The following DEPDC1B variants were observed in gnomAD, a reference collection of about 807,000 sequenced individuals.
DEPDC1B encodes the protein DEP domain containing 1B.
Under a neutral mutation model 66.5 loss-of-function variants are expected in DEPDC1B, and 51 were observed. The ratio of observed to expected loss-of-function variants is 0.77; its 90% CI spans 0.61 to 0.97. The LOEUF (loss-of-function observed/expected upper bound fraction) is 0.97, where lower values mean the gene tolerates loss of function less well. Ranked by LOEUF, DEPDC1B falls within the 50% of genes least tolerant of loss-of-function variation. The probability of loss-of-function intolerance (pLI) is 0.00; values close to 1 mark genes in which losing one functional copy is unlikely to be tolerated. For synonymous variants in DEPDC1B, 226 were observed against 223.6 expected, an observed-to-expected ratio of 1.01 and a Z score of -0.10; for missense variants, 552 against 637.1, an observed-to-expected ratio of 0.87 and a Z score of 1.44.
rs181047830 is a variant in DEPDC1B at position 60,642,991 on chromosome 5, T to C, written c.710-132A>G. ...CTGCTAATCACAAATCACCAATTTA[T>C]GTTATTAGAACATTTAAAAGATGGA... On this transcript the variant is annotated intron_variant, in intron 5 of 10. Transcript: ENST00000265036. The C allele has an allele frequency of 6.9e-5, 45 of 652,380 alleles. No homozygotes were observed. The Admixed American group carries it at 1.1e-3, about 16-fold the overall frequency. The allele number at this position is 652,380 out of a possible 1,614,324, so 40.4% of individuals were successfully genotyped here. A position where few individuals can be genotyped will look rare whatever the true frequency, so the allele number is the denominator to read the frequency against.
At chr5:60,680,592 C>A (rs149108229) in intron 2 of DEPDC1B, among the ~76,000 whole-genome samples, 112 of 152,138 alleles carry the variant, frequency 7.4e-4, no homozygotes, top group African/African-American at 2.5e-3. Flanking sequence ...AAAAAGAACC[C>A]TTATATTTTA....
rs1554050497 is a variant in DEPDC1B at position 60,604,241 on chromosome 5, T to TTTTTTTTTTTTA, written c.1066-675_1066-674insTAAAAAAAAAAA. ...TTCTTTTTTTTTTTTTTTTTTTTTT[T>TTTTTTTTTTTTA]ACGGAGTCTCGCTCTGTAACCTATG... On this transcript the variant is annotated intron_variant, in intron 8 of 10. Coordinates refer to ENST00000265036, the MANE Select transcript of DEPDC1B (RefSeq NM_018369.3). Among the ~76,000 whole-genome samples, 3 of 143,198 alleles carry TTTTTTTTTTTTA rather than the reference T, an allele frequency of 2.1e-5. 1 individual carries two copies. The highest frequency in any genetic ancestry group is 4.5e-5 in the Non-Finnish European group (3 of 66,354). 93.9% of individuals were successfully genotyped at this position (143,198 alleles called of 152,430 possible). A position where few individuals can be genotyped will look rare whatever the true frequency, so the allele number is the denominator to read the frequency against.
intron 1 of DEPDC1B, among the ~76,000 whole-genome samples, chr5:60,699,592 G>C (rs1278961960): frequency 6.6e-6 from 1 of 152,086 alleles, no homozygotes; most frequent in East Asian, 1.9e-4. Flanking sequence ...CCTCTGTTCT[G>C]GGCACCGTTT....
At chr5:60,624,253 A>C (rs1309526825) in intron 7 of DEPDC1B, among the ~76,000 whole-genome samples, 1 of 152,174 alleles carries the variant, frequency 6.6e-6, no homozygotes, top group African/African-American at 2.4e-5. Context: ...AGATGGTCAC[A>C]TGAGTTTTTT....
At chr5:60,694,869 T>C (rs1754620623) in intron 1 of DEPDC1B, among the ~76,000 whole-genome samples, 1 of 152,206 alleles carries the variant, frequency 6.6e-6, no homozygotes, top group African/African-American at 2.4e-5. Context: ...ACCTTTTTGT[T>C]ATATGTTACA....
chr5:60,602,853 G>A (rs1752230660), intron 9 of DEPDC1B, among the ~76,000 whole-genome samples: 1 of 152,190 alleles, frequency 6.6e-6, no homozygotes, highest in African/African-American at 2.4e-5. Context: ...ATACAGCTAG[G>A]AATTTGGCCA....
intron 2 of DEPDC1B, among the ~76,000 whole-genome samples, chr5:60,662,903 CT>C (rs2111951095): frequency 6.6e-6 from 1 of 152,272 alleles, no homozygotes; most frequent in African/African-American, 2.4e-5. Context: ...CCTTCTCAGT[CT>C]TACTCTCCTG....
In DEPDC1B at chr5:60,603,585, TG is replaced by T; in HGVS notation, c.1066-19del. 2.5e-6 allele frequency: 4 copies of T among 1,569,874 alleles called. No individual in the cohort carries two copies. The highest frequency in any genetic ancestry group is 2.0e-5 in the Admixed American group (1 of 49,714). ...TGAACCATCTAAAAAAAGAGCGGGG[TG>T]GGGGGTAAACGCAGATGAGTATTTT... is the stretch of plus-strand genomic sequence containing the variant. On this transcript the variant is annotated intron_variant, in intron 8 of 10. Transcript: ENST00000265036.
In DEPDC1B at chr5:60,645,478, T is replaced by C. The variant is rs1584059775; in HGVS notation, c.578+14A>G. On this transcript the variant is annotated intron_variant, in intron 4 of 10. Coordinates refer to ENST00000265036, the MANE Select transcript of DEPDC1B (RefSeq NM_018369.3). ...ATATCTCTAAAATTTCTCATTAATA[T>C]CAAATGTACATACTATGATAATGTC... is the stretch of plus-strand genomic sequence containing the variant. 6.4e-7 allele frequency: 1 copy of C among 1,572,918 alleles called. No homozygotes were observed. Among genetic ancestry groups the C allele is most frequent in the African/African-American group, 1.4e-5 (1 of 73,384 alleles).
intron 2 of DEPDC1B, among the ~76,000 whole-genome samples, chr5:60,654,750 G>A (rs1402271561): frequency 6.7e-6 from 1 of 148,792 alleles, no homozygotes; most frequent in Non-Finnish European, 1.5e-5. Context: ...TCAGTATAGT[G>A]TTGGCTGTGG....
intron 9 of DEPDC1B, 109 bp downstream of exon 9, chr5:60,603,282 T>G: frequency 1.9e-6 from 2 of 1,035,516 alleles, no homozygotes; most frequent in Non-Finnish European, 2.6e-6. Flanking sequence ...AAGTACTTTA[T>G]AAACATTAAT....
chr5:60,658,681 A>G (rs1252263058), intron 2 of DEPDC1B, among the ~76,000 whole-genome samples: 1 of 152,224 alleles, frequency 6.6e-6, no homozygotes, highest in African/African-American at 2.4e-5. Flanking sequence ...TAGTCAAATC[A>G]TATATCACCT....
intron 8 of DEPDC1B, among the ~76,000 whole-genome samples, chr5:60,605,361 C>T (rs922001976): frequency 6.6e-6 from 1 of 152,114 alleles, no homozygotes; most frequent in African/African-American, 2.4e-5. Flanking sequence ...TGTTAATTAG[C>T]TTGATTGACT....
chr5:60,695,001 A>T (rs1271166054), intron 1 of DEPDC1B, among the ~76,000 whole-genome samples: 2 of 152,172 alleles, frequency 1.3e-5, no homozygotes, highest in Non-Finnish European at 2.9e-5. Context: ...TTCAGGGTTT[A>T]TTCTCTTAAG....
intron 2 of DEPDC1B, among the ~76,000 whole-genome samples, chr5:60,650,436 A>G (rs1360257654): frequency 6.6e-6 from 1 of 152,150 alleles, no homozygotes; most frequent in East Asian, 1.9e-4. Context: ...GGATGCTGCT[A>G]AGTGCAAAGC....
At chr5:60,695,425 A>G (rs144144137) in intron 1 of DEPDC1B, among the ~76,000 whole-genome samples, 228 of 152,302 alleles carry the variant, frequency 1.5e-3, no homozygotes, top group African/African-American at 5.3e-3. Context: ...CAGATCGCAC[A>G]TGAACTCAGA....
In DEPDC1B at chr5:60,699,443, GAAA is replaced by G. The variant is rs528758437; in HGVS notation, c.48+600_48+602del. On this transcript the variant is annotated intron_variant, in intron 1 of 10. Coordinates refer to ENST00000265036, the MANE Select transcript of DEPDC1B (RefSeq NM_018369.3). The stretch of plus-strand genomic sequence containing the variant: ...CCTCAATACCAAAGCTTTTCTCCCA[GAAA>G]AAAAAAAAAAAAAAAACAGGAACTC... Among the ~76,000 whole-genome samples the G allele has an allele frequency of 3.1e-4, 28 of 89,364 alleles. 1 individual carries two copies. Among genetic ancestry groups the G allele is most frequent in the Admixed American group, 1.3e-3 (10 of 7,884 alleles). The allele number at this position is 89,364 out of a possible 152,430, so 58.6% of individuals were successfully genotyped here. A position where few individuals can be genotyped will look rare whatever the true frequency, so the allele number is the denominator to read the frequency against.
At chr5:60,673,025 G>A (rs1184529211) in intron 2 of DEPDC1B, among the ~76,000 whole-genome samples, 1 of 152,156 alleles carries the variant, frequency 6.6e-6, no homozygotes, top group Non-Finnish European at 1.5e-5. Flanking sequence ...TGAGGACACA[G>A]AGATAAAAGG....
Position 60,686,937 on chromosome 5 carries a change from T to C in DEPDC1B, c.314+25A>G, listed in dbSNP as rs773114742. On this transcript the variant is annotated intron_variant, in intron 2 of 10. Coordinates refer to ENST00000265036, the MANE Select transcript of DEPDC1B (RefSeq NM_018369.3). ...TCACTCATCTCCCCAATTCCTCACC[T>C]TCCAGGTTTACATGTTGCCATTACC... The C allele has an allele frequency of 1.9e-6, 3 of 1,611,488 alleles. No individual in the cohort carries two copies. The African/African-American group carries it at 4.0e-5, about 22-fold the overall frequency.
Sources: gnomAD v4.1 joint callset for allele counts (sites outside exome capture counted in the v4.1 genomes callset) on GRCh38, gnomAD v4.1.1 for gene constraint, MANE v1.5 for transcripts, NCBI Gene and HGNC (gene_info 2026-07-23, HGNC 2026-07-21) for gene names.